The following ZNF106 variants were observed in gnomAD, a reference collection of about 807,000 sequenced individuals.
The protein encoded by ZNF106 is zinc finger protein 106, also known as SH3-domain binding protein 3.
Under a neutral mutation model 195.1 loss-of-function variants are expected in ZNF106, and 67 were observed. The observed-to-expected ratio is 0.34, with a 90% CI of 0.28 to 0.42. The LOEUF is 0.42. Ranked by LOEUF, ZNF106 falls within the 10% of genes least tolerant of loss-of-function variation. The probability of loss-of-function intolerance (pLI) is 1.00; values close to 1 mark genes in which losing one functional copy is unlikely to be tolerated. For missense variants in ZNF106, 2,118 were observed against 2,304.5 expected (o/e 0.92, Z 1.66); for synonymous variants, 784 against 818.6 (o/e 0.96, Z 0.72).
At chr15:42,464,522 C>CTTTTT (rs928173954) in intron 3 of ZNF106, among the ~76,000 whole-genome samples, 9 of 113,482 alleles carry the variant, frequency 7.9e-5, no homozygotes, top group East Asian at 2.6e-4. Flanking sequence ...ACACATGCTA[C>CTTTTT]TTTTTTTTTT....
rs2054375387 is a variant in ZNF106, at chr15:42,414,452, G to C, written c.*2852C>G. ...GCATACTGCCACTGCTTCAAAAAAA[G>C]CCTTTGTGAAATGAAGAAAAATATG... On this transcript the variant is annotated 3_prime_UTR_variant, in exon 22 of 22. Coordinates refer to ENST00000564754, the MANE Select transcript of ZNF106 (RefSeq NM_001366845.3). The C allele has an allele frequency of 6.6e-6, 1 of 152,188 alleles. No homozygotes were observed. Among genetic ancestry groups the C allele is most frequent in the Admixed American group, 6.5e-5 (1 of 15,276 alleles). The allele number at this position is 152,188 out of a possible 1,614,324, so 9.4% of individuals were successfully genotyped here.
rs1449575219 is a variant in ZNF106 at position 42,451,602 on chromosome 15, T to C, written c.670A>G (p.Arg224Gly). 2.5e-6 allele frequency: 4 copies of C among 1,614,206 alleles called. No homozygotes were observed. The South Asian group carries it at 4.4e-5, about 18-fold the overall frequency. Residue 224 changes from arginine (R) to glycine (G), a missense_variant, in exon 5 of 22, where the codon AGG becomes GGG. Physicochemically the swap from Arg to Gly is moderately radical, Grantham distance 125. Coordinates refer to ENST00000564754, the MANE Select transcript of ZNF106 (RefSeq NM_001366845.3). ...CCTTCAGAAAGCCAACTGGAATTCC[T>C]TCCTGTACCATTATGATTCCAATCT... ...AVDWNHNGTG[R>G]NSSWLSEGTG...
chr15:42,432,244 A>T (rs2055075520), intron 14 of ZNF106, among the ~76,000 whole-genome samples: 1 of 151,860 alleles, frequency 6.6e-6, no homozygotes. Context: ...CTATAACCTC[A>T]AATTCCTCAG....
chr15:42,434,328 A>G (rs28414063), intron 14 of ZNF106, among the ~76,000 whole-genome samples: 1 of 152,210 alleles, frequency 6.6e-6, no homozygotes, highest in African/African-American at 2.4e-5. Context: ...ACCTTAAAAA[A>G]CAAAAAACAA....
intron 9 of ZNF106, among the ~76,000 whole-genome samples, chr15:42,443,387 T>C (rs1030102867): frequency 9.9e-5 from 15 of 152,032 alleles, no homozygotes; most frequent in African/African-American, 3.4e-4. Flanking sequence ...ATCCCAACCA[T>C]TTGGGAGGTC....
chr15:42,478,640 C>A (rs547192985), intron 1 of ZNF106, among the ~76,000 whole-genome samples: 2 of 151,194 alleles, frequency 1.3e-5, no homozygotes, highest in Non-Finnish European at 2.9e-5. Context: ...CTCAGCCTCC[C>A]GAGTAGCTTT....
At chr15:42,440,996 AAAATATATATATAT>A (rs1207556416) in intron 10 of ZNF106, among the ~76,000 whole-genome samples, 10 of 49,394 alleles carry the variant, frequency 2.0e-4, no homozygotes, top group Admixed American at 9.6e-4. Flanking sequence ...AAAAAAAAAA[AAAATATATATATAT>A]ATATATATAT....
rs1359859882 is a variant in ZNF106 at position 42,413,567 on chromosome 15, A to C, written c.*3737T>G. 6.6e-6 allele frequency: 1 copy of C among 152,650 alleles called. No homozygotes were observed. Among genetic ancestry groups the C allele is most frequent in the Non-Finnish European group, 1.5e-5 (1 of 68,044 alleles). The allele number at this position is 152,650 out of a possible 1,614,324, so 9.5% of individuals were successfully genotyped here. On this transcript the variant is annotated 3_prime_UTR_variant, in exon 22 of 22. Transcript: ENST00000564754. The stretch of plus-strand genomic sequence containing the variant: ...TTCCATAAAATAAACCATTCCACTA[A>C]GTATATACCTACTCCCACCAAATCA...
At chr15:42,478,512 C>CTTTTT (rs58475332) in intron 1 of ZNF106, among the ~76,000 whole-genome samples, 61 of 77,530 alleles carry the variant, frequency 7.9e-4, no homozygotes, top group Non-Finnish European at 9.8e-4. Flanking sequence ...TCCTCTTTTT[C>CTTTTT]TTTTTTTTTT....
At chr15:42,429,608 TAA>T (rs2054982004) in intron 14 of ZNF106, among the ~76,000 whole-genome samples, 1 of 152,026 alleles carries the variant, frequency 6.6e-6, no homozygotes, top group Middle Eastern at 3.4e-3. Context: ...CTTTCATACC[TAA>T]AAGAGTCAGT....
At chr15:42,483,662 A>G (rs1395015902) in intron 1 of ZNF106, among the ~76,000 whole-genome samples, 1 of 152,230 alleles carries the variant, frequency 6.6e-6, no homozygotes, top group Non-Finnish European at 1.5e-5. Flanking sequence ...AATATTTAAA[A>G]GGTCTTACAA....
In ZNF106 at chr15:42,439,810, T is replaced by G. The variant is rs2055433803; in HGVS notation, c.3767A>C (p.Glu1256Ala). ...ATAAACTGGACAACTGTCACTGATC[T>G]CTCCTGAATTGAGAGGAAAAAAATT... ...VSKELLEANR[E>A]ISDSCPVYPV... The change falls in exon 11 of 22, where the codon GAG (glutamate) becomes GCG (alanine). Residue 1256 changes from glutamate (E) to alanine (A), a missense_variant. Coordinates refer to ENST00000564754, the MANE Select transcript of ZNF106 (RefSeq NM_001366845.3). 6.6e-7 allele frequency: 1 copy of G among 1,514,886 alleles called. No individual in the cohort carries two copies. The highest frequency in any genetic ancestry group is 8.8e-7 in the Non-Finnish European group (1 of 1,135,784). 93.8% of individuals were successfully genotyped at this position (1,514,886 alleles called of 1,614,324 possible).
intron 17 of ZNF106, among the ~76,000 whole-genome samples, chr15:42,423,331 C>T (rs1001334058): frequency 1.1e-4 from 16 of 151,312 alleles, no homozygotes; most frequent in Non-Finnish European, 2.1e-4. Flanking sequence ...GATCGCACTA[C>T]TGCACTCCAG....
In ZNF106 at chr15:42,447,070, C is replaced by G. The variant is rs12324423; in HGVS notation, c.3136-412G>C. Among the ~76,000 whole-genome samples, 927 of 152,360 alleles carry G rather than the reference C, an allele frequency of 6.1e-3. 6 individuals are homozygous for G. Among genetic ancestry groups the G allele is most frequent in the African/African-American group, 0.021 (887 of 41,588 alleles). ...AGCTTAACAGTCCATGAGACAAGCTCTTTGTCATAGGACAATCCCTCAGCT... is the reference window on the plus strand; with the variant it reads ...AGCTTAACAGTCCATGAGACAAGCTGTTTGTCATAGGACAATCCCTCAGCT... On this transcript the variant is annotated intron_variant, in intron 6 of 21. Coordinates refer to ENST00000564754, the MANE Select transcript of ZNF106 (RefSeq NM_001366845.3).
chr15:42,488,252 CCA>C (rs979814284), intron 1 of ZNF106, among the ~76,000 whole-genome samples: 1 of 152,090 alleles, frequency 6.6e-6, no homozygotes, highest in Non-Finnish European at 1.5e-5. Context: ...TTTTATAAAA[CCA>C]CAGTGGTTGC....
intron 16 of ZNF106, chr15:42,424,460 G>A (rs2054781220): frequency 7.6e-6 from 2 of 263,942 alleles, no homozygotes; most frequent in South Asian, 7.8e-5. Flanking sequence ...GACAACACGG[G>A]AAATGCCATT....
chr15:42,472,777 C>T (rs971632434), intron 1 of ZNF106, among the ~76,000 whole-genome samples: 10 of 151,954 alleles, frequency 6.6e-5, no homozygotes, highest in African/African-American at 2.4e-4. Context: ...TTTGGGAGGC[C>T]GACGCGGGCA....
rs898354396 is a variant in ZNF106 at position 42,414,383 on chromosome 15, A to G, written c.*2921T>C. On this transcript the variant is annotated 3_prime_UTR_variant, in exon 22 of 22. Coordinates refer to ENST00000564754, the MANE Select transcript of ZNF106 (RefSeq NM_001366845.3). ...TAGAACCGTTCATTTGGGGTAACAC[A>G]CTAATCTGGTGTTAAAAGAATTTCA... 1 of 152,262 alleles carries G rather than the reference A, an allele frequency of 6.6e-6. No homozygotes were observed. The highest frequency in any genetic ancestry group is 1.5e-5 in the Non-Finnish European group (1 of 68,050). The allele number at this position is 152,262 out of a possible 1,614,324, so 9.4% of individuals were successfully genotyped here.
chr15:42,467,513 C>G (rs547861386), intron 2 of ZNF106, among the ~76,000 whole-genome samples: 37 of 152,014 alleles, frequency 2.4e-4, no homozygotes, highest in Non-Finnish European at 4.0e-4. Flanking sequence ...CAGTCTTGGC[C>G]GGGCACAGTG....
Sources: gnomAD v4.1 joint callset for allele counts (sites outside exome capture counted in the v4.1 genomes callset) on GRCh38, gnomAD v4.1.1 for gene constraint, MANE v1.5 for transcripts, NCBI Gene and HGNC (gene_info 2026-07-23, HGNC 2026-07-21) for gene names.